FBXO34: variants seen among roughly 807,000 people sequenced by gnomAD.
The protein encoded by FBXO34 is F-box only protein 34.
Under a neutral mutation model 24.5 loss-of-function variants are expected in FBXO34, and 12 were observed. The ratio of observed to expected loss-of-function variants is 0.49; its 90% confidence interval spans 0.31 to 0.79. The LOEUF (loss-of-function observed/expected upper bound fraction) is 0.79, where lower values mean the gene tolerates loss of function less well. Among genes scored for constraint, FBXO34 ranks in the 30% least tolerant of loss-of-function variants. The pLI, the probability that FBXO34 is intolerant of heterozygous loss-of-function variation, is 0.04. For missense variants in FBXO34, 823 were observed against 857.7 expected, an observed-to-expected ratio of 0.96 and a Z score of 0.51; for synonymous variants, 320 against 311.9, an observed-to-expected ratio of 1.03 and a Z score of -0.27.
At chr14:55,275,423 G>C (rs1881301458) in intron 1 of FBXO34, among the ~76,000 whole-genome samples, 4 of 152,172 alleles carry the variant, frequency 2.6e-5, no homozygotes, top group Admixed American at 2.0e-4. Flanking sequence ...CTGTGACACA[G>C]AGATGATATA....
intron 1 of FBXO34, among the ~76,000 whole-genome samples, chr14:55,296,189 A>C (rs977756432): frequency 1.1e-4 from 17 of 152,138 alleles, no homozygotes; most frequent in African/African-American, 3.9e-4. Context: ...GCTCCTAATT[A>C]TCTCTTCTAC....
chr14:55,278,457 G>A (rs1190199178), intron 1 of FBXO34, among the ~76,000 whole-genome samples: 2 of 152,030 alleles, frequency 1.3e-5, no homozygotes, highest in Non-Finnish European at 2.9e-5. Flanking sequence ...AAAGTCCAAA[G>A]TTGAGGCTTG....
chr14:55,274,883 A>G (rs1222118400), intron 1 of FBXO34, among the ~76,000 whole-genome samples: 4 of 152,230 alleles, frequency 2.6e-5, no homozygotes, highest in Non-Finnish European at 2.9e-5. Flanking sequence ...GGAAGCTACT[A>G]TGGTATGATG....
rs1176232133 is a variant in FBXO34 at position 55,319,926 on chromosome 14, C to T, written c.-10-30455C>T. Among the ~76,000 whole-genome samples the T allele has an allele frequency of 9.8e-5, 15 of 152,294 alleles. No individual in the cohort carries two copies. The East Asian group carries it at 2.5e-3, about 26-fold the overall frequency. On this transcript the variant is annotated intron_variant, in intron 1 of 1. Coordinates refer to ENST00000313833, the MANE Select transcript of FBXO34 (RefSeq NM_017943.4). ...TGACCTTGTGATCTACCCACCTCAGCCTCCTAAAGTGCTAGGATTACAGGC... is the reference window on the plus strand; with the variant it reads ...TGACCTTGTGATCTACCCACCTCAGTCTCCTAAAGTGCTAGGATTACAGGC...
intron 1 of FBXO34, among the ~76,000 whole-genome samples, chr14:55,342,227 G>A: frequency 6.6e-6 from 1 of 152,158 alleles, no homozygotes; most frequent in East Asian, 1.9e-4. Flanking sequence ...GGTAGGTGCT[G>A]TATTTAAATC....
chr14:55,433,923 ACT>A, the FBXO34 span, among the ~76,000 whole-genome samples: 1 of 152,124 alleles, frequency 6.6e-6, no homozygotes, highest in Non-Finnish European at 1.5e-5. Context: ...AATATCAGTA[ACT>A]CTTAAATTTG....
the FBXO34 span, among the ~76,000 whole-genome samples, chr14:55,429,461 T>A: frequency 5.9e-5 from 9 of 152,202 alleles, no homozygotes; most frequent in African/African-American, 1.9e-4. Context: ...TCAAAGTATG[T>A]CCCATTTAGA....
At chr14:55,281,046 A>C (rs775337303) in intron 1 of FBXO34, among the ~76,000 whole-genome samples, 33 of 152,192 alleles carry the variant, frequency 2.2e-4, no homozygotes, top group Non-Finnish European at 4.1e-4. Context: ...CATTGAAATC[A>C]ATATAAAAAT....
At chr14:55,368,653 G>GT (rs1478672743), downstream of FBXO34, 1 of 152,202 alleles carries the variant, frequency 6.6e-6, no homozygotes, top group East Asian at 1.9e-4. Context: ...AAGTAGGATG[G>GT]TTTCCCCTGA....
rs1045229551 is a variant in FBXO34, at chr14:55,353,594, C to T, written c.*1068C>T. ...AAATTTTTTAAAACTTAAATAAAAA[C>T]ATGCATCTTAAATGGAACCCAAGTT... On this transcript the variant is annotated 3_prime_UTR_variant, in exon 2 of 2. Transcript: ENST00000313833. 2.4e-5 allele frequency: 4 copies of T among 167,060 alleles called. No individual in the cohort carries two copies. The highest frequency in any genetic ancestry group is 9.7e-5 in the African/African-American group (4 of 41,448). 10.3% of individuals were successfully genotyped at this position (167,060 alleles called of 1,614,324 possible). A position where few individuals can be genotyped will look rare whatever the true frequency, so the allele number is the denominator to read the frequency against.
At position 55,351,708 on chromosome 14, in the gene FBXO34, G is replaced by T. The variant is rs771303980; in HGVS notation, c.1318G>T (p.Val440Leu). 5 of 1,614,104 alleles carry T rather than the reference G, an allele frequency of 3.1e-6. No homozygotes were observed. The African/African-American group carries it at 6.7e-5, about 22-fold the overall frequency. Residue 440 changes from valine (V) to leucine (L), a missense_variant, in exon 2 of 2, where the codon GTG becomes TTG. Physicochemically the swap from Val to Leu is conservative, Grantham distance 32. This residue lies in a region of FBXO34 where 693 missense variants were observed against 659.1 expected (regional missense o/e 1.05). Coordinates refer to ENST00000313833, the MANE Select transcript of FBXO34 (RefSeq NM_017943.4). The part of the protein sequence containing the change: ...DAVDCMSREL[V>L]SLTSRNPDQR... ...TGTTGATTGTATGAGCAGAGAGCTT[G>T]TGTCCCTTACTAGCCGAAATCCTGA... is the stretch of plus-strand genomic sequence containing the variant.
the FBXO34 span, among the ~76,000 whole-genome samples, chr14:55,427,880 C>CTTTTTT: frequency 7.6e-6 from 1 of 130,896 alleles, no homozygotes; most frequent in Non-Finnish European, 1.6e-5. Context: ...GTTAGGATTG[C>CTTTTTT]TTTTTTTTTT....
chr14:55,371,595 A>C (rs9323282), downstream of FBXO34, among the ~76,000 whole-genome samples: 14,365 of 152,034 alleles, frequency 0.094, 1,833 homozygotes, highest in African/African-American at 0.29. Context: ...TCACGAGGTC[A>C]GGAGATCGAG....
chr14:55,333,641 G>A (rs1007571320), intron 1 of FBXO34, among the ~76,000 whole-genome samples: 1 of 151,754 alleles, frequency 6.6e-6, no homozygotes, highest in Non-Finnish European at 1.5e-5. Context: ...TTTTAAGCTT[G>A]TTGGTGTCCT....
exon 3 of FBXO34, chr14:55,367,874 C>A (rs1219505146): frequency 6.6e-6 from 1 of 152,344 alleles, no homozygotes; most frequent in African/African-American, 2.4e-5. Flanking sequence ...CAAAACTATA[C>A]AAAACACCAA....
chr14:55,281,255 TAAAAAAAAAA>T (rs533626777), intron 1 of FBXO34, among the ~76,000 whole-genome samples: 2 of 98,438 alleles, frequency 2.0e-5, no homozygotes, highest in East Asian at 2.9e-4. Flanking sequence ...CCCGACTCCT[TAAAAAAAAAA>T]AAAAAAAAAA....
At chr14:55,341,841 A>G (rs982573540) in intron 1 of FBXO34, among the ~76,000 whole-genome samples, 2 of 152,196 alleles carry the variant, frequency 1.3e-5, no homozygotes, top group Non-Finnish European at 2.9e-5. Context: ...AACATCATTA[A>G]GTTTAACAAA....
At chr14:55,402,967 AT>A in the FBXO34 span, among the ~76,000 whole-genome samples, 197 of 78,604 alleles carry the variant, frequency 2.5e-3, 14 homozygotes, top group Admixed American at 0.019. Flanking sequence ...ATATATATAT[AT>A]AAATAGCTGG....
At chr14:55,274,591 TA>T (rs1309947261) in intron 1 of FBXO34, among the ~76,000 whole-genome samples, 1 of 152,238 alleles carries the variant, frequency 6.6e-6, no homozygotes, top group Non-Finnish European at 1.5e-5. Flanking sequence ...TTCTGATGGA[TA>T]AAAGCAAATG....
Sources: gnomAD v4.1 joint callset for allele counts (sites outside exome capture counted in the v4.1 genomes callset) on GRCh38, gnomAD v4.1.1 for gene constraint, gnomAD v4.1.1 regional missense constraint, MANE v1.5 for transcripts, NCBI Gene and HGNC (gene_info 2026-07-23, HGNC 2026-07-21) for gene names.